The following VAV1 variants were observed in gnomAD, a reference collection of about 807,000 sequenced individuals.
The protein encoded by VAV1 is proto-oncogene vav.
Under a neutral mutation model 128.1 loss-of-function variants are expected in VAV1, and 33 were observed. That is an observed-to-expected ratio of 0.26 (90% CI 0.20 to 0.34). The LOEUF (loss-of-function observed/expected upper bound fraction) is 0.34, where lower values mean the gene tolerates loss of function less well. VAV1 is among the 10% of genes least tolerant of loss of function. The pLI is 1.00. For synonymous variants in VAV1, 394 were observed against 409.8 expected (o/e 0.96, Z 0.47); for missense variants, 715 against 1,093.7 (o/e 0.65, Z 4.88).
At chr19:6,821,320 G>C (rs964912516) in intron 2 of VAV1, among the ~76,000 whole-genome samples, 2 of 152,104 alleles carry the variant, frequency 1.3e-5, no homozygotes, top group Non-Finnish European at 2.9e-5. Context: ...AGAATCGCTT[G>C]AACCTGGGAG....
intron 6 of VAV1, among the ~76,000 whole-genome samples, chr19:6,823,736 G>C (rs573664993): frequency 6.6e-6 from 1 of 151,678 alleles, no homozygotes; most frequent in African/African-American, 2.4e-5. Context: ...TTTATCCCAG[G>C]CTCAGTCTTT....
intron 1 of VAV1, among the ~76,000 whole-genome samples, chr19:6,792,134 T>C (rs1475275633): frequency 6.6e-6 from 1 of 152,024 alleles, no homozygotes; most frequent in Non-Finnish European, 1.5e-5. Context: ...GGAAGATCAC[T>C]TGAGGCCAAG....
At chr19:6,818,771 T>C (rs544113310) in intron 1 of VAV1, among the ~76,000 whole-genome samples, 3 of 152,208 alleles carry the variant, frequency 2.0e-5, no homozygotes, top group Admixed American at 1.3e-4. Flanking sequence ...AAGGTGGCTG[T>C]CTACTGAAAT....
intron 6 of VAV1, among the ~76,000 whole-genome samples, chr19:6,823,955 T>C (rs1394984712): frequency 6.6e-6 from 1 of 152,078 alleles, no homozygotes; most frequent in East Asian, 1.9e-4. Flanking sequence ...TGTTTTGTTT[T>C]GAAATGTGGT....
chr19:6,802,807 G>A (rs1409043695), intron 1 of VAV1, among the ~76,000 whole-genome samples: 3 of 152,158 alleles, frequency 2.0e-5, no homozygotes, highest in African/African-American at 7.2e-5. Context: ...GGTCCGGGAT[G>A]GGCAGTATCC....
intron 23 of VAV1, among the ~76,000 whole-genome samples, chr19:6,849,538 C>G (rs1455057708): frequency 6.6e-6 from 1 of 151,616 alleles, no homozygotes; most frequent in Non-Finnish European, 1.5e-5. Context: ...GTCTCGAACT[C>G]CTGACCTCAG....
intron 1 of VAV1, among the ~76,000 whole-genome samples, chr19:6,815,761 T>C (rs1369370100): frequency 6.6e-6 from 1 of 152,120 alleles, no homozygotes; most frequent in Non-Finnish European, 1.5e-5. Flanking sequence ...AGGATAATAA[T>C]ATGACTTACC....
chr19:6,831,993 TG>T, intron 14 of VAV1, 97 bp from the exon 15 acceptor site: 2 of 894,772 alleles, frequency 2.2e-6, no homozygotes, highest in Non-Finnish European at 3.4e-6. Flanking sequence ...GAGACTGTCA[TG>T]GGCTTGCCTG....
chr19:6,837,508 C>G lies in VAV1; in HGVS notation c.1980+458C>G, dbSNP rs1348894945. 3.9e-5 allele frequency among the ~76,000 whole-genome samples: 6 copies of G among 152,092 alleles called. No homozygotes were observed. The East Asian group carries it at 1.2e-3, about 29-fold the overall frequency. On this transcript the variant is annotated intron_variant, in intron 21 of 26. Coordinates refer to ENST00000602142, the MANE Select transcript of VAV1 (RefSeq NM_005428.4). ...CTCGCTCTTCATGATGACTTCAGAT[C>G]TCTCCCTCTCTCCCCAACCTCAGAC...
chr19:6,857,168 A>G lies in VAV1; in HGVS notation c.*61A>G. ...GGCTCTGAGCCCGGCGTGGGCAGGC[A>G]GCGGAGCCAGGGGCTGTGACAGCTC... On this transcript the variant is annotated 3_prime_UTR_variant, in exon 27 of 27. Coordinates refer to ENST00000602142, the MANE Select transcript of VAV1 (RefSeq NM_005428.4). 1 of 1,609,592 alleles carries G rather than the reference A, an allele frequency of 6.2e-7. No individual in the cohort carries two copies. The highest frequency in any genetic ancestry group is 8.5e-7 in the Non-Finnish European group (1 of 1,178,470).
intron 1 of VAV1, among the ~76,000 whole-genome samples, chr19:6,815,210 C>T (rs558779871): frequency 7.2e-5 from 11 of 152,154 alleles, no homozygotes; most frequent in Non-Finnish European, 1.3e-4. Context: ...TGCAGTGGTG[C>T]GATCATAGCT....
chr19:6,810,262 G>A (rs111504107), intron 1 of VAV1, among the ~76,000 whole-genome samples: 47 of 151,008 alleles, frequency 3.1e-4, no homozygotes, highest in Non-Finnish European at 5.0e-4. Context: ...GATTGCTTGA[G>A]CCCAATTTCA....
intron 1 of VAV1, among the ~76,000 whole-genome samples, chr19:6,774,730 C>T (rs917960746): frequency 2.0e-5 from 3 of 151,646 alleles, no homozygotes; most frequent in African/African-American, 4.8e-5. Context: ...CCACTGTGCC[C>T]GGCTGCTCCT....
At chr19:6,835,442 C>T (rs1007725495) in intron 19 of VAV1, among the ~76,000 whole-genome samples, 5 of 152,070 alleles carry the variant, frequency 3.3e-5, no homozygotes, top group African/African-American at 9.6e-5. Context: ...TTTTTGCTCA[C>T]GTTAGCCTTG....
intron 23 of VAV1, among the ~76,000 whole-genome samples, chr19:6,848,436 A>C (rs1265712548): frequency 6.7e-6 from 1 of 148,402 alleles, no homozygotes; most frequent in Non-Finnish European, 1.5e-5. Context: ...TTTCTGACAG[A>C]GTCCCTTTGT....
rs573275713 is a variant in VAV1, at chr19:6,804,441, G to A, written c.205-16261G>A. Among the ~76,000 whole-genome samples, 5 of 152,134 alleles carry A rather than the reference G, an allele frequency of 3.3e-5. No homozygotes were observed. The East Asian group carries it at 7.8e-4, about 24-fold the overall frequency. On this transcript the variant is annotated intron_variant, in intron 1 of 26. Coordinates refer to ENST00000602142, the MANE Select transcript of VAV1 (RefSeq NM_005428.4). ...TTATTTATTTATTTATTTAGAGACAGAGTCTTGCTCTGTCGCCCAGGCTGG... is the reference window on the plus strand; with the variant it reads ...TTATTTATTTATTTATTTAGAGACAAAGTCTTGCTCTGTCGCCCAGGCTGG...
At chr19:6,798,003 C>T (rs1055283042) in intron 1 of VAV1, among the ~76,000 whole-genome samples, 4 of 151,390 alleles carry the variant, frequency 2.6e-5, no homozygotes, top group Non-Finnish European at 5.9e-5. Flanking sequence ...ATTGGTGGGG[C>T]GCGGTGGCTC....
chr19:6,826,542 G>A lies in VAV1; in HGVS notation c.828-70G>A. 8.1e-7 allele frequency: 1 copy of A among 1,237,766 alleles called. No homozygotes were observed. Among genetic ancestry groups the A allele is most frequent in the Non-Finnish European group, 1.2e-6 (1 of 866,942 alleles). 76.7% of individuals were successfully genotyped at this position (1,237,766 alleles called of 1,614,324 possible). On this transcript the variant is annotated intron_variant, in intron 8 of 26. Transcript: ENST00000602142. The surrounding 1 kb of genome is among the most constrained non-coding windows in gnomAD (Gnocchi z 4.1). ...CTCCAGCGGGGAAGAGCAAGGCCAG[G>A]GCTGACGCCAGCCTCTGCCCGACCT...
Position 6,829,853 on chromosome 19 carries a change from G to A in VAV1, c.1333G>A (p.Asp445Asn). The A allele has an allele frequency of 6.2e-7, 1 of 1,614,160 alleles. No homozygotes were observed. The highest frequency in any genetic ancestry group is 1.1e-5 in the South Asian group (1 of 91,086). Reference protein sequence around the residue: ...KRRGDSYDLKDFVNLHSFQVR... With the variant: ...KRRGDSYDLKNFVNLHSFQVR... ...CAGGGGAGACTCCTATGACCTCAAGGACTTTGTAAACCTGCACAGCTTCCA... is the reference window on the plus strand; with the variant it reads ...CAGGGGAGACTCCTATGACCTCAAGAACTTTGTAAACCTGCACAGCTTCCA... Residue 445 changes from aspartate (D) to asparagine (N), a missense_variant, in exon 14 of 27, where the codon GAC becomes AAC. Physicochemically the swap from Asp to Asn is conservative, Grantham distance 23. Coordinates refer to ENST00000602142, the MANE Select transcript of VAV1 (RefSeq NM_005428.4).
Sources: gnomAD v4.1 joint callset for allele counts (sites outside exome capture counted in the v4.1 genomes callset) on GRCh38, gnomAD v4.1.1 for gene constraint, Gnocchi (gnomAD v3.1) non-coding constraint, MANE v1.5 for transcripts, NCBI Gene and HGNC (gene_info 2026-07-23, HGNC 2026-07-21) for gene names.